Variants in TTC34 observed in about 807,000 individuals in gnomAD.
TTC34 encodes tetratricopeptide repeat domain 34.
A neutral mutation model predicts 40.7 loss-of-function variants in TTC34; 44 were observed. The observed-to-expected ratio is 1.08, with a 90% CI of 0.85 to 1.39. The LOEUF is 1.39. TTC34 is among the 40% of genes most tolerant of loss of function. The pLI is 0.00. For missense variants in TTC34, 884 were observed against 838.0 expected (o/e 1.05, Z -0.68); for synonymous variants, 422 against 398.6 (o/e 1.06, Z -0.70).
At chr1:2,692,288 T>A (rs1211516325) in intron 6 of TTC34, among the ~76,000 whole-genome samples, 2 of 71,000 alleles carry the variant, frequency 2.8e-5, no homozygotes, top group African/African-American at 9.4e-5. Context: ...TCTGACAGCC[T>A]GGAGCAGCAG....
At chr1:2,696,071 C>CT (rs1407508117) in intron 6 of TTC34, among the ~76,000 whole-genome samples, 18 of 138,914 alleles carry the variant, frequency 1.3e-4, no homozygotes, top group Non-Finnish European at 1.9e-4. Flanking sequence ...GAACAGCACG[C>CT]GCACCCCCAG....
chr1:2,699,507 T>G (rs1182695033), intron 6 of TTC34, among the ~76,000 whole-genome samples: 2 of 116,878 alleles, frequency 1.7e-5, no homozygotes, highest in Non-Finnish European at 1.9e-5. Flanking sequence ...CAGGCGAGAA[T>G]CTGACAGCCT....
chr1:2,652,536 C>A lies in TTC34; in HGVS notation c.2227-6973G>T, dbSNP rs540002150. Among the ~76,000 whole-genome samples the A allele has an allele frequency of 1.6e-4, 4 of 25,772 alleles. No homozygotes were observed. In the South Asian group the frequency reaches 3.4e-3, roughly 22 times the overall value. 16.9% of individuals were successfully genotyped at this position (25,772 alleles called of 152,430 possible). ...AACAGCACCCACACCTCCAGGCGAGCATTGGAAAGCCTGGAGCAGCACCCA... is the reference window on the plus strand; with the variant it reads ...AACAGCACCCACACCTCCAGGCGAGAATTGGAAAGCCTGGAGCAGCACCCA... On this transcript the variant is annotated intron_variant, in intron 6 of 8. Transcript: ENST00000401095.
chr1:2,638,911 A>G (rs1638842850), exon 9 of TTC34: 1 of 152,314 alleles, frequency 6.6e-6, no homozygotes, highest in African/African-American at 2.4e-5. Context: ...GTGGTTCATC[A>G]ACAGATACTT....
intron 5 of TTC34, among the ~76,000 whole-genome samples, chr1:2,785,291 C>T (rs962117676): frequency 4.6e-5 from 4 of 87,468 alleles, no homozygotes; most frequent in Admixed American, 3.7e-4. Context: ...GGCTCTCACA[C>T]TCCCTGTACC....
chr1:2,692,335 C>T (rs1488875446), intron 6 of TTC34, among the ~76,000 whole-genome samples: 2 of 66,352 alleles, frequency 3.0e-5, no homozygotes, highest in African/African-American at 1.0e-4. Flanking sequence ...CCTGGAGCAG[C>T]GCCCACACAC....
exon 2 of TTC34, chr1:2,800,713 C>T (rs1205818476): frequency 1.3e-5 from 5 of 398,590 alleles, no homozygotes; most frequent in African/African-American, 2.1e-5. Context: ...GCTGAGGGGG[C>T]GTGGCAGCTG....
intron 6 of TTC34, among the ~76,000 whole-genome samples, chr1:2,772,973 C>A (rs1295257696): frequency 7.4e-6 from 1 of 134,418 alleles, no homozygotes; most frequent in Admixed American, 7.3e-5. Context: ...GAGCAGCATG[C>A]ACACCCCCAG....
In TTC34 at chr1:2,685,225, A is replaced by G. The variant is rs1292981960; in HGVS notation, c.2227-39662T>C. 3.7e-5 allele frequency among the ~76,000 whole-genome samples: 4 copies of G among 107,126 alleles called. 1 individual carries two copies. The highest frequency in any genetic ancestry group is 7.3e-5 in the African/African-American group (2 of 27,586). 70.3% of individuals were successfully genotyped at this position (107,126 alleles called of 152,430 possible). ...CCCAGGTGAGCATCTGACATCGTGG[A>G]GCAGCACCCACACCCCAGGTGAGCA... On this transcript the variant is annotated intron_variant, in intron 6 of 8. Transcript: ENST00000401095.
intron 6 of TTC34, among the ~76,000 whole-genome samples, chr1:2,781,018 T>C (rs910662017): frequency 9.2e-5 from 14 of 152,250 alleles, no homozygotes; most frequent in African/African-American, 3.4e-4. Context: ...AATTCTATTG[T>C]AGATGGAATT....
chr1:2,695,049 T>G (rs1640797585), intron 6 of TTC34, among the ~76,000 whole-genome samples: 1 of 147,340 alleles, frequency 6.8e-6, no homozygotes, highest in Non-Finnish European at 1.5e-5. Context: ...GGTGAGCATC[T>G]GACACACTGA....
intron 6 of TTC34, among the ~76,000 whole-genome samples, chr1:2,695,304 CTGCACCCAGACGCCCAGGTG>C (rs1640811170): frequency 2.2e-4 from 7 of 31,718 alleles, no homozygotes; most frequent in Admixed American, 3.4e-4. Context: ...TGGCCTGGAA[CTGCACCCAGACGCCCAGGTG>C]AGCATCCGAC....
intron 6 of TTC34, among the ~76,000 whole-genome samples, chr1:2,695,719 C>A (rs75795119): frequency 1.4e-5 from 2 of 147,910 alleles, no homozygotes; most frequent in Admixed American, 6.7e-5. Flanking sequence ...CCCACACCCC[C>A]AGGTGAGCAG....
exon 3 of TTC34, chr1:2,789,507 C>G (rs938610283): frequency 1.3e-6 from 2 of 1,506,360 alleles, no homozygotes; most frequent in African/African-American, 1.4e-5. Context: ...CCTCACCCCT[C>G]CTGCGTGGTG....
At chr1:2,641,069 G>A in exon 9 of TTC34, 1 of 152,388 alleles carries the variant, frequency 6.6e-6, no homozygotes, top group Admixed American at 9.7e-5. Flanking sequence ...GAGGTATGGG[G>A]AGGGCTGGGA....
chr1:2,688,291 C>T (rs1435318297), intron 6 of TTC34, among the ~76,000 whole-genome samples: 3 of 149,602 alleles, frequency 2.0e-5, no homozygotes, highest in Admixed American at 6.6e-5. Flanking sequence ...ACCCACACTC[C>T]CAGGCGAGCA....
intron 6 of TTC34, among the ~76,000 whole-genome samples, chr1:2,652,349 T>G (rs1245595572): frequency 6.6e-6 from 1 of 150,698 alleles, no homozygotes; most frequent in Non-Finnish European, 1.5e-5. Flanking sequence ...TCTGATATCC[T>G]GGAACAGCAC....
chr1:2,647,378 A>T (rs1326414308), intron 6 of TTC34, among the ~76,000 whole-genome samples: 1 of 152,160 alleles, frequency 6.6e-6, no homozygotes, highest in Non-Finnish European at 1.5e-5. Context: ...TAATCCCAGC[A>T]TGTTGGGAGG....
chr1:2,645,192 C>G lies in TTC34; in HGVS notation c.2497+101G>C. On this transcript the variant is annotated intron_variant, in intron 7 of 8. Coordinates refer to ENST00000401095, the Ensembl canonical transcript of TTC34. This position sits in a 1 kb window ranked among gnomAD's most constrained non-coding sequence, Gnocchi z 4.7. ...AGGGACCTTGGAAGCTGTTGTGGTCCGGGTCTCTTTCTTCCATTTTTACAG... is the reference window on the plus strand; with the variant it reads ...AGGGACCTTGGAAGCTGTTGTGGTCGGGGTCTCTTTCTTCCATTTTTACAG... 7.6e-7 allele frequency: 1 copy of G among 1,316,794 alleles called. No individual in the cohort carries two copies. Among genetic ancestry groups the G allele is most frequent in the Non-Finnish European group, 9.8e-7 (1 of 1,019,632 alleles). The allele number at this position is 1,316,794 out of a possible 1,614,324, so 81.6% of individuals were successfully genotyped here.
Sources: allele counts gnomAD v4.1 joint callset (sites outside exome capture counted in the v4.1 genomes callset), GRCh38; gene constraint gnomAD v4.1.1; non-coding constraint Gnocchi (gnomAD v3.1); transcripts MANE v1.5; gene names NCBI Gene and HGNC (gene_info 2026-07-23, HGNC 2026-07-21).